The following CSMD1 variants were observed in gnomAD, a reference collection of about 807,000 sequenced individuals.
The protein encoded by CSMD1 is CUB and sushi domain-containing protein 1.
Under a neutral mutation model 417.5 loss-of-function variants are expected in CSMD1, and 213 were observed. The observed-to-expected ratio is 0.51, with a 90% CI of 0.46 to 0.57. CSMD1 has a LOEUF of 0.57. CSMD1 is among the 20% of genes least tolerant of loss of function. CSMD1 has a pLI of 0.00. For synonymous variants in CSMD1, 2,862 were observed against 1,736.8 expected, an observed-to-expected ratio of 1.65 and a Z score of -16.11; for missense variants, 6,923 against 4,529.7, an observed-to-expected ratio of 1.53 and a Z score of -15.17.
intron 15 of CSMD1, among the ~76,000 whole-genome samples, chr8:3,400,873 G>C (rs574483164): frequency 2.0e-5 from 3 of 151,214 alleles, no homozygotes; most frequent in African/African-American, 7.2e-5. Flanking sequence ...TTATTCTGTA[G>C]TTTAAAAATA....
At chr8:4,108,452 G>A (rs184102168) in intron 3 of CSMD1, among the ~76,000 whole-genome samples, 1 of 152,106 alleles carries the variant, frequency 6.6e-6, no homozygotes, top group African/African-American at 2.4e-5. Context: ...GCTCATGAAG[G>A]GCTCTGCTTT....
rs754463321 is a variant in CSMD1 at position 4,031,937 on chromosome 8, G to A, written c.578C>T (p.Ala193Val). Residue 193 changes from alanine (A) to valine (V), a missense_variant, in exon 4 of 70, where the codon GCA (alanine) becomes GTA (valine). Transcript: ENST00000635120. ...LTCIVSPGNG[A>V]SWDFPAPFCR... is the part of the protein sequence containing the mutation. ...AAAGGGAGCTGGGAAGTCCCACGATGCACCATTTCCTGGGCTGACGATGCA... is the reference window on the plus strand; with the variant it reads ...AAAGGGAGCTGGGAAGTCCCACGATACACCATTTCCTGGGCTGACGATGCA... 6.8e-6 allele frequency: 11 copies of A among 1,613,740 alleles called. No individual in the cohort carries two copies. The highest frequency in any genetic ancestry group is 4.5e-5 in the East Asian group (2 of 44,872).
At chr8:3,246,698 C>A (rs939530482) in intron 26 of CSMD1, among the ~76,000 whole-genome samples, 1 of 152,194 alleles carries the variant, frequency 6.6e-6, no homozygotes, top group African/African-American at 2.4e-5. Context: ...CCTCGAACTC[C>A]TGACCTCAGG....
intron 1 of CSMD1, among the ~76,000 whole-genome samples, chr8:4,956,852 G>C (rs898616921): frequency 6.6e-6 from 1 of 152,134 alleles, no homozygotes; most frequent in Admixed American, 6.6e-5. Context: ...AGAAGTCAGT[G>C]TGAACTCATG....
chr8:3,695,687 A>C (rs970800375), intron 7 of CSMD1, among the ~76,000 whole-genome samples: 5 of 152,216 alleles, frequency 3.3e-5, no homozygotes, highest in African/African-American at 1.2e-4. Context: ...GATTCTAGCA[A>C]ATTGTATTTA....
rs1563692469 is a variant in CSMD1 at position 4,893,074 on chromosome 8, C to G, written c.85+101258G>C. The stretch of plus-strand genomic sequence containing the variant: ...GGAATGAGGGCTGTGTCGATTATCC[C>G]CTCCAGGGCTCGTCACTGGATATTA... On this transcript the variant is annotated intron_variant, in intron 1 of 69. Transcript: ENST00000635120. Among the ~76,000 whole-genome samples the G allele has an allele frequency of 3.3e-5, 5 of 152,060 alleles. 1 individual carries two copies. Among genetic ancestry groups the G allele is most frequent in the Non-Finnish European group, 7.4e-5 (5 of 68,020 alleles).
At chr8:4,542,885 A>G (rs536008039) in intron 2 of CSMD1, among the ~76,000 whole-genome samples, 1 of 152,308 alleles carries the variant, frequency 6.6e-6, no homozygotes, top group East Asian at 1.9e-4. Flanking sequence ...TCTAATAGAA[A>G]TATATTAGCA....
intron 5 of CSMD1, among the ~76,000 whole-genome samples, chr8:3,922,177 A>T (rs867732650): frequency 1.4e-4 from 22 of 152,020 alleles, no homozygotes; most frequent in African/African-American, 5.1e-4. Flanking sequence ...ATTTTGTATT[A>T]TAAAAATATA....
intron 3 of CSMD1, among the ~76,000 whole-genome samples, chr8:4,277,382 G>A (rs544310115): frequency 2.0e-5 from 3 of 152,184 alleles, no homozygotes; most frequent in African/African-American, 7.2e-5. Context: ...GAATCTGAAG[G>A]TGTCTGGCTT....
intron 3 of CSMD1, among the ~76,000 whole-genome samples, chr8:4,173,437 A>C (rs7002121): frequency 6.6e-6 from 1 of 151,724 alleles, no homozygotes; most frequent in Non-Finnish European, 1.5e-5. Context: ...AGGTCACCAG[A>C]GGACGTTACT....
rs537184621 is a variant in CSMD1 at position 4,678,662 on chromosome 8, G to T, written c.86-41104C>A. ...CTACCTATTTATTTATCAGGGAAAT[G>T]GATACCTTTCAACAGAAGGCATCCA... On this transcript the variant is annotated intron_variant, in intron 1 of 69. Transcript: ENST00000635120. Among the ~76,000 whole-genome samples the T allele has an allele frequency of 4.6e-5, 7 of 152,208 alleles. 1 individual carries two copies. The South Asian group carries it at 8.3e-4, about 18-fold the overall frequency.
chr8:3,813,693 T>C (rs1374607624), intron 5 of CSMD1, among the ~76,000 whole-genome samples: 1 of 152,178 alleles, frequency 6.6e-6, no homozygotes, highest in Admixed American at 6.5e-5. Context: ...TACTTTCCAA[T>C]ATTCAACTAT....
intron 5 of CSMD1, among the ~76,000 whole-genome samples, chr8:3,873,783 C>T (rs1214713324): frequency 6.6e-6 from 1 of 152,014 alleles, no homozygotes; most frequent in East Asian, 1.9e-4. Context: ...ACCAACGTAG[C>T]CCTTGATTAG....
At chr8:4,564,818 C>T (rs1798513652) in intron 2 of CSMD1, among the ~76,000 whole-genome samples, 1 of 152,214 alleles carries the variant, frequency 6.6e-6, no homozygotes, top group Non-Finnish European at 1.5e-5. Flanking sequence ...TTAGCTTTTT[C>T]ACTCACTGTG....
At chr8:3,690,186 C>T (rs538349653) in intron 7 of CSMD1, among the ~76,000 whole-genome samples, 2 of 152,220 alleles carry the variant, frequency 1.3e-5, no homozygotes, top group East Asian at 1.9e-4. Flanking sequence ...GGGCAAGGCC[C>T]TGTCTCTACA....
At chr8:4,524,378 T>C (rs1796398279) in intron 2 of CSMD1, among the ~76,000 whole-genome samples, 1 of 152,120 alleles carries the variant, frequency 6.6e-6, no homozygotes, top group Non-Finnish European at 1.5e-5. Flanking sequence ...TCCTCTGTTT[T>C]CAAACAATAG....
In CSMD1 at chr8:3,068,839, G is replaced by C. The variant is rs534401790; in HGVS notation, c.7475-16192C>G. 1.2e-3 allele frequency among the ~76,000 whole-genome samples: 175 copies of C among 151,994 alleles called. 1 individual carries two copies. Among genetic ancestry groups the C allele is most frequent in the African/African-American group, 4.1e-3 (171 of 41,466 alleles). On this transcript the variant is annotated intron_variant, in intron 49 of 69. Coordinates refer to ENST00000635120, the MANE Select transcript of CSMD1 (RefSeq NM_033225.6). ...CACCAGACATTACCTCCAGCATTGG[G>C]GATTACAATTCAACACGAGATTTGG... is the stretch of plus-strand genomic sequence containing the variant.
intron 2 of CSMD1, among the ~76,000 whole-genome samples, chr8:4,443,970 T>C (rs1798630669): frequency 6.6e-6 from 1 of 152,074 alleles, no homozygotes; most frequent in Non-Finnish European, 1.5e-5. Flanking sequence ...TTACCTGTGA[T>C]ATGAGGTGAA....
intron 4 of CSMD1, among the ~76,000 whole-genome samples, chr8:4,029,087 A>G (rs1483332625): frequency 6.6e-6 from 1 of 152,206 alleles, no homozygotes; most frequent in African/African-American, 2.4e-5. Context: ...CTTAAAATAT[A>G]CACATTAAAT....
Sources: gnomAD v4.1 joint callset for allele counts (sites outside exome capture counted in the v4.1 genomes callset) on GRCh38, gnomAD v4.1.1 for gene constraint, MANE v1.5 for transcripts, NCBI Gene and HGNC (gene_info 2026-07-23, HGNC 2026-07-21) for gene names.